Variants in MRGPRX3 observed in about 807,000 individuals in gnomAD.
MRGPRX3 encodes MAS related GPR family member X3, also known as mas-related G protein-coupled receptor member X3.
A neutral mutation model predicts 16.5 loss-of-function variants in MRGPRX3; 14 were observed. That is an observed-to-expected ratio of 0.85 (90% CI 0.56 to 1.33). The LOEUF (loss-of-function observed/expected upper bound fraction) is 1.33. MRGPRX3 is among the 40% of genes most tolerant of loss of function. MRGPRX3 has a pLI of 0.00. For missense variants in MRGPRX3, 449 were observed against 413.0 expected (o/e 1.09, Z -0.76); for synonymous variants, 199 against 180.1 (o/e 1.10, Z -0.84).
upstream of MRGPRX3, among the ~76,000 whole-genome samples, chr11:18,131,543 G>A (rs1255977812): frequency 1.3e-5 from 2 of 152,144 alleles, no homozygotes. Context: ...ATAGATGTTG[G>A]TGGGTCTGTG....
At chr11:18,121,650 T>C (rs1316515861) in intron 1 of MRGPRX3, among the ~76,000 whole-genome samples, 1 of 152,258 alleles carries the variant, frequency 6.6e-6, no homozygotes. Context: ...TTTTGTTCTG[T>C]ACAAAGAAAG....
chr11:18,122,868 T>A (rs1343038765), intron 1 of MRGPRX3, among the ~76,000 whole-genome samples: 14 of 152,242 alleles, frequency 9.2e-5, no homozygotes, highest in Non-Finnish European at 1.9e-4. Context: ...GACTTTTTAA[T>A]GATTGCCATT....
intron 1 of MRGPRX3, among the ~76,000 whole-genome samples, chr11:18,135,190 C>T (rs1221018811): frequency 1.3e-5 from 2 of 152,160 alleles, no homozygotes; most frequent in Non-Finnish European, 2.9e-5. Flanking sequence ...ATACCATAGA[C>T]AGTCTTTAAA....
intron 1 of MRGPRX3, among the ~76,000 whole-genome samples, chr11:18,135,109 C>G (rs1357937435): frequency 6.6e-6 from 1 of 152,154 alleles, no homozygotes; most frequent in Non-Finnish European, 1.5e-5. Context: ...TGGACCTGCT[C>G]TTCATGTTGT....
At chr11:18,123,379 G>A (rs1848859839) in intron 1 of MRGPRX3, among the ~76,000 whole-genome samples, 2 of 152,188 alleles carry the variant, frequency 1.3e-5, no homozygotes, top group Admixed American at 6.5e-5. Context: ...GTGTAAGGAA[G>A]GGATCCAGTT....
chr11:18,126,530 T>C (rs550438634), intron 1 of MRGPRX3, among the ~76,000 whole-genome samples: 9 of 152,284 alleles, frequency 5.9e-5, no homozygotes, highest in African/African-American at 1.9e-4. Flanking sequence ...TTAGGGTACA[T>C]GTGCACAATG....
intron 1 of MRGPRX3, among the ~76,000 whole-genome samples, chr11:18,124,985 T>G (rs1410640163): frequency 2.0e-5 from 3 of 152,258 alleles, no homozygotes; most frequent in African/African-American, 4.8e-5. Context: ...TAGAGGTGTT[T>G]ATAGTATTCT....
Position 18,137,661 on chromosome 11 carries a change from G to T in MRGPRX3, c.459G>T (p.Arg153=). ...TGCTCTGGGCCCTGTCCCTGCTGCG[G>T]AGTATCCTGGAGTGGATGTTCTGTG... The part of the protein sequence containing the change: ...CVLLWALSLL[R]SILEWMFCDF... The change falls in exon 2 of 2, where the codon CGG becomes CGT. Residue 153 remains arginine (R), a synonymous_variant. Transcript: ENST00000621697. 2 of 1,614,134 alleles carry T rather than the reference G, an allele frequency of 1.2e-6. No homozygotes were observed. Among genetic ancestry groups the T allele is most frequent in the Non-Finnish European group, 1.7e-6 (2 of 1,180,014 alleles).
At chr11:18,124,696 G>C (rs1439192963) in intron 1 of MRGPRX3, among the ~76,000 whole-genome samples, 1 of 152,298 alleles carries the variant, frequency 6.6e-6, no homozygotes, top group Admixed American at 6.5e-5. Context: ...GATGATGCTG[G>C]CCTCATAAAA....
At chr11:18,128,390 G>A (rs1372651601), upstream of MRGPRX3, among the ~76,000 whole-genome samples, 1 of 152,224 alleles carries the variant, frequency 6.6e-6, no homozygotes, top group Non-Finnish European at 1.5e-5. Flanking sequence ...AGTTTACAGA[G>A]GCAGGCAGGC....
Position 18,137,699 on chromosome 11 carries a change from G to A in MRGPRX3, c.497G>A (p.Ser166Asn), listed in dbSNP as rs940079090. 3 of 1,613,964 alleles carry A rather than the reference G, an allele frequency of 1.9e-6. No individual in the cohort carries two copies. The highest frequency in any genetic ancestry group is 2.5e-6 in the Non-Finnish European group (3 of 1,180,042). Residue 166 changes from serine (S) to asparagine (N), a missense_variant, in exon 2 of 2, where the codon AGT becomes AAT. Physicochemically the swap from Ser to Asn is conservative, Grantham distance 46. Coordinates refer to ENST00000621697, the MANE Select transcript of MRGPRX3 (RefSeq NM_001370464.1). The stretch of plus-strand genomic sequence containing the variant: ...TGGATGTTCTGTGACTTCCTGTTTA[G>A]TGGTGCTAATTCTGTTTGGTGTGAA... ...LEWMFCDFLF[S>N]GANSVWCETS... is the part of the protein sequence containing the mutation.
At chr11:18,125,157 T>G (rs1433084804) in intron 1 of MRGPRX3, among the ~76,000 whole-genome samples, 2 of 152,134 alleles carry the variant, frequency 1.3e-5, no homozygotes, top group Admixed American at 6.6e-5. Context: ...ATTCATTGAT[T>G]TTTTGAAGGG....
upstream of MRGPRX3, among the ~76,000 whole-genome samples, chr11:18,131,980 A>C (rs1848964849): frequency 6.6e-6 from 1 of 152,176 alleles, no homozygotes; most frequent in South Asian, 2.1e-4. Context: ...TGATGGGTGC[A>C]CCAAAATCTC....
At chr11:18,133,268 C>T (rs1018700253) in intron 1 of MRGPRX3, among the ~76,000 whole-genome samples, 6 of 152,168 alleles carry the variant, frequency 3.9e-5, no homozygotes, top group African/African-American at 1.2e-4. Flanking sequence ...TAGGCTGAAA[C>T]GGACAGGGAA....
At chr11:18,127,271 G>C (rs1234516405) in intron 1 of MRGPRX3, among the ~76,000 whole-genome samples, 2 of 152,170 alleles carry the variant, frequency 1.3e-5, no homozygotes, top group Non-Finnish European at 2.9e-5. Flanking sequence ...TTCTCGAGGA[G>C]TATCTTTGTG....
At position 18,138,025 on chromosome 11, in the gene MRGPRX3, G is replaced by C. The variant is rs753365135; in HGVS notation, c.823G>C (p.Val275Leu). ...SSANPIIYFF[V>L]GSFRQRQNRQ... ...TGCCAACCCCATCATTTACTTCTTC[G>C]TGGGCTCCTTTAGGCAGCGTCAAAA... is the stretch of plus-strand genomic sequence containing the variant. The change falls in exon 2 of 2, where the codon GTG (valine) becomes CTG (leucine). Residue 275 changes from valine to leucine, a missense_variant. Val to Leu is a conservative substitution (Grantham distance 32). Transcript: ENST00000621697. The C allele has an allele frequency of 6.2e-7, 1 of 1,614,038 alleles. No individual in the cohort carries two copies. Among genetic ancestry groups the C allele is most frequent in the South Asian group, 1.1e-5 (1 of 91,058 alleles).
At chr11:18,132,878 T>C (rs1364520631) in intron 1 of MRGPRX3, 139 bp downstream of exon 1, 1 of 152,240 alleles carries the variant, frequency 6.6e-6, no homozygotes, top group Non-Finnish European at 1.5e-5. Context: ...TGAAGCTTCC[T>C]TTCAGAAACT....
At chr11:18,126,447 A>G (rs1442076868) in intron 1 of MRGPRX3, among the ~76,000 whole-genome samples, 1 of 152,124 alleles carries the variant, frequency 6.6e-6, no homozygotes, top group African/African-American at 2.4e-5. Flanking sequence ...TCCTTCACTT[A>G]TGAAGCTTAG....
rs536441970 is a variant in MRGPRX3, at chr11:18,124,308, T to A, written c.-152+3144T>A. Among the ~76,000 whole-genome samples, 29 of 152,344 alleles carry A rather than the reference T, an allele frequency of 1.9e-4. No homozygotes were observed. The East Asian group carries it at 5.6e-3, about 29-fold the overall frequency. ...GCTTCCAGTTTTTGCCCATTCAGTA[T>A]GATATTGGCTGTGGGTTTGTCATAG... On this transcript the variant is annotated intron_variant, in intron 1 of 2. Transcript: ENST00000396275.
Sources: allele counts gnomAD v4.1 joint callset (sites outside exome capture counted in the v4.1 genomes callset), GRCh38; gene constraint gnomAD v4.1.1; transcripts MANE v1.5; gene names NCBI Gene and HGNC (gene_info 2026-07-23, HGNC 2026-07-21).